Variants in TMEM132D observed in about 807,000 individuals in gnomAD.
TMEM132D encodes the protein mature OL transmembrane protein.
A neutral mutation model predicts 62.3 loss-of-function variants in TMEM132D; 21 were observed. The ratio of observed to expected loss-of-function variants is 0.34; its 90% CI spans 0.24 to 0.49. The LOEUF (loss-of-function observed/expected upper bound fraction) is 0.49. Among genes scored for constraint, TMEM132D ranks in the 20% least tolerant of loss-of-function variants. The pLI, the probability that TMEM132D is intolerant of heterozygous loss-of-function variation, is 0.99. For synonymous variants in TMEM132D, 621 were observed against 575.6 expected (o/e 1.08, Z -1.13); for missense variants, 1,346 against 1,402.8 (o/e 0.96, Z 0.65).
At chr12:129,534,587 C>T (rs1449404823) in intron 2 of TMEM132D, among the ~76,000 whole-genome samples, 2 of 152,272 alleles carry the variant, frequency 1.3e-5, no homozygotes, top group Middle Eastern at 3.4e-3. Flanking sequence ...TACCCAATCT[C>T]TTTCCTGGAT....
intron 2 of TMEM132D, among the ~76,000 whole-genome samples, chr12:129,690,778 G>C (rs1398272323): frequency 6.6e-6 from 1 of 152,118 alleles, no homozygotes; most frequent in Non-Finnish European, 1.5e-5. Context: ...GTGAGCAACT[G>C]ATAGATCAAA....
intron 1 of TMEM132D, among the ~76,000 whole-genome samples, chr12:129,890,205 G>C (rs1874876520): frequency 6.6e-6 from 1 of 152,178 alleles, no homozygotes; most frequent in Non-Finnish European, 1.5e-5. Flanking sequence ...TTTTTGGCCT[G>C]GCCTAGGTCC....
intron 5 of TMEM132D, chr12:129,084,970 G>C (rs1279570495): frequency 1.9e-6 from 1 of 535,730 alleles, no homozygotes; most frequent in Non-Finnish European, 3.3e-6. Flanking sequence ...CCCAGGGGCT[G>C]CGTGTGTTGC....
chr12:129,687,256 ATG>A (rs1281962687), intron 2 of TMEM132D, among the ~76,000 whole-genome samples: 1 of 152,184 alleles, frequency 6.6e-6, no homozygotes, highest in African/African-American at 2.4e-5. Flanking sequence ...TAAAGGAGGA[ATG>A]TGAGGTCGAA....
In TMEM132D at chr12:129,699,990, G is replaced by A. The variant is rs867202541; in HGVS notation, c.788C>T (p.Pro263Leu). Residue 263 changes from proline (P) to leucine (L), a missense_variant, in exon 2 of 9, where the codon CCC (proline) becomes CTC (leucine). Transcript: ENST00000422113. The stretch of plus-strand genomic sequence containing the variant: ...GAAGATGCTCCCGATCCTCTGCAAG[G>A]GGGGCCCGGACTCATCGATGTCACT... ...GHSDIDESGP[P>L]LQRIGSIFLY... 1 of 1,614,050 alleles carries A rather than the reference G, an allele frequency of 6.2e-7. No individual in the cohort carries two copies. Among genetic ancestry groups the A allele is most frequent in the East Asian group, 2.2e-5 (1 of 44,864 alleles).
intron 2 of TMEM132D, among the ~76,000 whole-genome samples, chr12:129,580,911 T>C (rs886829515): frequency 6.6e-6 from 1 of 152,284 alleles, no homozygotes; most frequent in African/African-American, 2.4e-5. Flanking sequence ...TTTATAGTGA[T>C]AGCCATCAAT....
chr12:129,470,558 G>T (rs1189538851), intron 3 of TMEM132D, among the ~76,000 whole-genome samples: 1 of 152,118 alleles, frequency 6.6e-6, no homozygotes, highest in South Asian at 2.1e-4. Flanking sequence ...TTCAGGTGAG[G>T]ACATCGCTGC....
intron 3 of TMEM132D, among the ~76,000 whole-genome samples, chr12:129,494,861 T>C (rs1015760132): frequency 6.6e-6 from 1 of 152,214 alleles, no homozygotes; most frequent in South Asian, 2.1e-4. Flanking sequence ...TCCTGGCCTC[T>C]TTGGGATCCT....
chr12:129,883,231 T>C (rs1874658469), intron 1 of TMEM132D, among the ~76,000 whole-genome samples: 1 of 152,088 alleles, frequency 6.6e-6, no homozygotes, highest in South Asian at 2.1e-4. Flanking sequence ...ATCTATAAAA[T>C]TGCAATAAAG....
intron 2 of TMEM132D, among the ~76,000 whole-genome samples, chr12:129,581,493 C>T (rs1053078354): frequency 6.6e-6 from 1 of 152,204 alleles, no homozygotes; most frequent in Non-Finnish European, 1.5e-5. Flanking sequence ...ACAGTGCAGC[C>T]TTCAGTCTGT....
At chr12:129,405,840 A>G (rs370235189) in intron 3 of TMEM132D, among the ~76,000 whole-genome samples, 41 of 152,270 alleles carry the variant, frequency 2.7e-4, no homozygotes, top group African/African-American at 9.6e-4. Context: ...TTGAATCTTA[A>G]AAAAACTGGG....
At chr12:129,330,690 T>C (rs1359403435) in intron 4 of TMEM132D, among the ~76,000 whole-genome samples, 2 of 152,080 alleles carry the variant, frequency 1.3e-5, no homozygotes, top group East Asian at 3.9e-4. Flanking sequence ...CTGCAGAGAG[T>C]TCCCCACCAG....
At chr12:129,544,578 T>C (rs1164960952) in intron 2 of TMEM132D, among the ~76,000 whole-genome samples, 1 of 152,232 alleles carries the variant, frequency 6.6e-6, no homozygotes, top group Non-Finnish European at 1.5e-5. Context: ...TTATGACATA[T>C]TTTAATATCT....
At chr12:129,443,923 G>T (rs1017095523) in intron 3 of TMEM132D, among the ~76,000 whole-genome samples, 5 of 152,162 alleles carry the variant, frequency 3.3e-5, no homozygotes, top group Non-Finnish European at 7.4e-5. Context: ...ACAAGGAAAA[G>T]ATTTGCTTTC....
chr12:129,578,157 C>T (rs1877730241), intron 2 of TMEM132D, among the ~76,000 whole-genome samples: 1 of 152,096 alleles, frequency 6.6e-6, no homozygotes, highest in African/African-American at 2.4e-5. Context: ...TCCTCTTCTC[C>T]CCTCTTCCTC....
At chr12:129,329,574 A>G (rs1869039702) in intron 4 of TMEM132D, among the ~76,000 whole-genome samples, 2 of 152,202 alleles carry the variant, frequency 1.3e-5, no homozygotes, top group Admixed American at 1.3e-4. Flanking sequence ...TCTTAAGTCC[A>G]GATCTTAGTG....
At chr12:129,646,205 A>G (rs1466141511) in intron 2 of TMEM132D, among the ~76,000 whole-genome samples, 1 of 152,202 alleles carries the variant, frequency 6.6e-6, no homozygotes, top group Non-Finnish European at 1.5e-5. Context: ...AACAGCTCCC[A>G]TTACATTTTT....
chr12:129,570,807 T>C (rs1474296218), intron 2 of TMEM132D, among the ~76,000 whole-genome samples: 6 of 152,338 alleles, frequency 3.9e-5, no homozygotes, highest in Middle Eastern at 3.4e-3. Flanking sequence ...ATTCATATTA[T>C]GAAATAAGAA....
intron 1 of TMEM132D, among the ~76,000 whole-genome samples, chr12:129,787,655 C>T (rs1423307877): frequency 1.3e-5 from 2 of 152,162 alleles, no homozygotes; most frequent in African/African-American, 2.4e-5. Flanking sequence ...TCTGGCAAAC[C>T]GGGAGAGAAT....
Sources: allele counts gnomAD v4.1 joint callset (sites outside exome capture counted in the v4.1 genomes callset), GRCh38; gene constraint gnomAD v4.1.1; transcripts MANE v1.5; gene names NCBI Gene and HGNC (gene_info 2026-07-23, HGNC 2026-07-21).